The following LHCGR variants were observed in gnomAD, a reference collection of about 807,000 sequenced individuals.
The protein encoded by LHCGR is luteinizing hormone/choriogonadotropin receptor, also known as lutropin-choriogonadotropic hormone receptor.
LHCGR carries 55 observed loss-of-function variants against 60.7 expected under a neutral mutation model. That is an observed-to-expected ratio of 0.91 (90% CI 0.73 to 1.13). The LOEUF (loss-of-function observed/expected upper bound fraction) is 1.13. Ranked by LOEUF, LHCGR falls within the 50% of genes most tolerant of loss-of-function variation. LHCGR has a pLI of 0.00. For missense variants in LHCGR, 862 were observed against 836.0 expected (o/e 1.03, Z -0.38); for synonymous variants, 337 against 316.5 (o/e 1.06, Z -0.69).
chr2:48,692,137 T>C (rs992351080), intron 10 of LHCGR, among the ~76,000 whole-genome samples: 3 of 152,188 alleles, frequency 2.0e-5, no homozygotes, highest in Admixed American at 6.5e-5. Context: ...AAAAAATCTA[T>C]AGAGACACCG....
intron 10 of LHCGR, among the ~76,000 whole-genome samples, chr2:48,691,595 C>T (rs1666831196): frequency 6.6e-6 from 1 of 152,018 alleles, no homozygotes; most frequent in Non-Finnish European, 1.5e-5. Flanking sequence ...CCTGTAATCC[C>T]AGCACTTTAG....
intron 3 of LHCGR, 47 bp downstream of exon 3, chr2:48,729,106 G>T: frequency 1.4e-6 from 2 of 1,387,684 alleles, no homozygotes; most frequent in Non-Finnish European, 2.1e-6. Flanking sequence ...TCCAGCCAGT[G>T]AGGGTAATAG....
chr2:48,737,607 A>G (rs532693419), intron 1 of LHCGR, among the ~76,000 whole-genome samples: 7 of 152,360 alleles, frequency 4.6e-5, no homozygotes, highest in Admixed American at 3.9e-4. Context: ...TGGTGGCTTC[A>G]TTACAGGGAA....
intron 1 of LHCGR, among the ~76,000 whole-genome samples, chr2:48,741,807 C>T (rs1426762452): frequency 6.6e-6 from 1 of 150,994 alleles, no homozygotes; most frequent in South Asian, 2.1e-4. Flanking sequence ...AACCAGCTAA[C>T]ATCATAATGA....
chr2:48,740,127 T>C (rs1669374228), intron 1 of LHCGR, among the ~76,000 whole-genome samples: 1 of 152,248 alleles, frequency 6.6e-6, no homozygotes, highest in African/African-American at 2.4e-5. Context: ...TACTGCTCTT[T>C]TCCAATGGGC....
intron 4 of LHCGR, among the ~76,000 whole-genome samples, chr2:48,725,340 T>C (rs1158513708): frequency 6.6e-6 from 1 of 152,198 alleles, no homozygotes; most frequent in Non-Finnish European, 1.5e-5. Flanking sequence ...CTACTCTCTA[T>C]TCACTTCAGA....
intron 6 of LHCGR, among the ~76,000 whole-genome samples, chr2:48,717,836 T>C (rs1472983119): frequency 8.8e-6 from 1 of 113,644 alleles, no homozygotes; most frequent in African/African-American, 5.7e-5. Flanking sequence ...TCCATGTCTT[T>C]TTTTTTTTTT....
intron 1 of LHCGR, among the ~76,000 whole-genome samples, chr2:48,734,601 C>T (rs1332120451): frequency 6.6e-6 from 1 of 152,116 alleles, no homozygotes; most frequent in Non-Finnish European, 1.5e-5. Flanking sequence ...CCTTTCCTTT[C>T]CTTCATATTT....
chr2:48,698,989 C>T (rs1207492087), intron 8 of LHCGR, among the ~76,000 whole-genome samples, 189 bp from the exon 9 acceptor site: 1 of 152,036 alleles, frequency 6.6e-6, no homozygotes, highest in Admixed American at 6.5e-5. Context: ...CTACAGGCGC[C>T]CGCTACCACG....
At chr2:48,708,817 C>A in intron 8 of LHCGR, 131 bp downstream of exon 8, 1 of 795,116 alleles carries the variant, frequency 1.3e-6, no homozygotes, top group South Asian at 1.4e-5. Context: ...CTTTGTCTTT[C>A]CAACAGCAGC....
Position 48,731,270 on chromosome 2 carries a change from T to C in LHCGR, c.190A>G (p.Ile64Val). The change falls in exon 2 of 11, where the codon ATC becomes GTC. Residue 64 changes from isoleucine to valine, a missense_variant. By Grantham distance (29) the Ile-to-Val change is conservative (BLOSUM62 3). Coordinates refer to ENST00000294954, the MANE Select transcript of LHCGR (RefSeq NM_000233.4). ...AGTCCTCTGAAAGCTTGAGATGGGA[T>C]CACTTTGACAGGGAGGTAGGCAAGT... Reference protein sequence around the residue: ...LSLAYLPVKVIPSQAFRGLNE... With the variant: ...LSLAYLPVKVVPSQAFRGLNE... 1 of 1,612,076 alleles carries C rather than the reference T, an allele frequency of 6.2e-7. No homozygotes were observed.
At position 48,733,785 on chromosome 2, in the gene LHCGR, A is replaced by T. The variant is rs535436719; in HGVS notation, c.162-2487T>A. On this transcript the variant is annotated intron_variant, in intron 1 of 10. Coordinates refer to ENST00000294954, the MANE Select transcript of LHCGR (RefSeq NM_000233.4). ...ATATGTTTTTTTTTTCAGAAATGTC[A>T]CATCTTCATTTCTGATTCGTCTTTG... 2.6e-5 allele frequency among the ~76,000 whole-genome samples: 4 copies of T among 152,064 alleles called. No individual in the cohort carries two copies. In the East Asian group the frequency reaches 5.8e-4, roughly 22 times the overall value.
At chr2:48,698,532 T>G in intron 9 of LHCGR, 83 bp downstream of exon 9, 1 of 1,092,274 alleles carries the variant, frequency 9.2e-7, no homozygotes, top group Non-Finnish European at 1.4e-6. Flanking sequence ...TGAAGGGGAG[T>G]GGAGCTGTCT....
At chr2:48,717,527 G>C (rs1398270541) in intron 6 of LHCGR, among the ~76,000 whole-genome samples, 1 of 145,440 alleles carries the variant, frequency 6.9e-6, no homozygotes, top group African/African-American at 2.5e-5. Flanking sequence ...TACAATAAAT[G>C]CTTAATGTGT....
chr2:48,731,194 C>T lies in LHCGR; in HGVS notation c.233+33G>A, dbSNP rs766349381. 1.1e-4 allele frequency: 148 copies of T among 1,401,160 alleles called. 1 individual carries two copies. The Admixed American group carries it at 1.8e-3, about 17-fold the overall frequency. 86.8% of individuals were successfully genotyped at this position (1,401,160 alleles called of 1,614,324 possible). On this transcript the variant is annotated intron_variant, in intron 2 of 10. Coordinates refer to ENST00000294954, the MANE Select transcript of LHCGR (RefSeq NM_000233.4). The stretch of plus-strand genomic sequence containing the variant: ...TAGAAAAAATTCATTATTCCAATTA[C>T]GAATGTCTTTTGATATGCAGTAACT...
At chr2:48,701,473 C>G (rs542422993) in intron 8 of LHCGR, among the ~76,000 whole-genome samples, 1 of 152,140 alleles carries the variant, frequency 6.6e-6, no homozygotes, top group Non-Finnish European at 1.5e-5. Flanking sequence ...TTTTGCTGTT[C>G]CCCCTCCTGG....
intron 6 of LHCGR, chr2:48,720,832 G>A (rs1034510696): frequency 1.3e-5 from 2 of 152,228 alleles, no homozygotes; most frequent in Non-Finnish European, 2.9e-5. Flanking sequence ...TCATCTAAAA[G>A]TAGGGTTGAT....
intron 1 of LHCGR, among the ~76,000 whole-genome samples, chr2:48,745,895 C>T (rs532434276): frequency 9.2e-5 from 14 of 151,496 alleles, no homozygotes; most frequent in East Asian, 3.9e-4. Flanking sequence ...AAAAAAGGTC[C>T]GTCTCAGGTA....
Position 48,687,958 on chromosome 2 carries a change from G to A in LHCGR, c.1839C>T (p.Pro613=), listed in dbSNP as rs1679983181. The change falls in exon 11 of 11, where the codon CCC becomes CCT. Residue 613 remains proline, a synonymous_variant. Coordinates refer to ENST00000294954, the MANE Select transcript of LHCGR (RefSeq NM_000233.4). ...NSKVLLVLFY[P]INSCANPFLY... ...GAAATGGATTGGCACAAGAATTGAT[G>A]GGATAAAAAAGAACCAGTAAAACTT... 6.2e-7 allele frequency: 1 copy of A among 1,613,992 alleles called. No homozygotes were observed. The highest frequency in any genetic ancestry group is 1.3e-5 in the African/African-American group (1 of 74,910).
Sources: allele counts gnomAD v4.1 joint callset (sites outside exome capture counted in the v4.1 genomes callset), GRCh38; gene constraint gnomAD v4.1.1; transcripts MANE v1.5; gene names NCBI Gene and HGNC (gene_info 2026-07-23, HGNC 2026-07-21).